Variants in KCNU1 observed in about 807,000 individuals in gnomAD.
The protein encoded by KCNU1 is potassium channel subfamily U member 1.
A neutral mutation model predicts 126.8 loss-of-function variants in KCNU1; 93 were observed. That is an observed-to-expected ratio of 0.73 (90% confidence interval 0.62 to 0.87). The LOEUF is 0.87. Among genes scored for constraint, KCNU1 ranks in the 40% least tolerant of loss-of-function variants. The pLI is 0.00. For synonymous variants in KCNU1, 523 were observed against 494.2 expected (o/e 1.06, Z -0.77); for missense variants, 1,330 against 1,367.1 (o/e 0.97, Z 0.43).
intron 16 of KCNU1, 139 bp from the exon 17 acceptor site, chr8:36,845,441 T>C: frequency 1.7e-6 from 1 of 602,850 alleles, no homozygotes; most frequent in Non-Finnish European, 2.9e-6. Flanking sequence ...CATTCTCCAC[T>C]GTGTTTGGCA....
chr8:36,830,113 A>C (rs1364712755), intron 10 of KCNU1, among the ~76,000 whole-genome samples: 4 of 149,842 alleles, frequency 2.7e-5, no homozygotes, highest in African/African-American at 4.9e-5. Flanking sequence ...ATAAATCTTT[A>C]TTAATCCAGA....
At chr8:36,821,865 G>T (rs1337019055) in intron 10 of KCNU1, among the ~76,000 whole-genome samples, 1 of 152,098 alleles carries the variant, frequency 6.6e-6, no homozygotes. Context: ...TTAGATATTT[G>T]ACCAAATGTA....
chr8:36,917,511 C>A lies in KCNU1; in HGVS notation c.2522-1312C>A, dbSNP rs576823959. On this transcript the variant is annotated intron_variant, in intron 22 of 26. Coordinates refer to ENST00000399881, the MANE Select transcript of KCNU1 (RefSeq NM_001031836.3). The stretch of plus-strand genomic sequence containing the variant: ...GATTTCAGCTCTGCACTGCTACACC[C>A]AGCTAATTTTTTTTTTTTAATTTTT... 2.4e-5 allele frequency among the ~76,000 whole-genome samples: 3 copies of A among 125,418 alleles called. No individual in the cohort carries two copies. In the South Asian group the frequency reaches 8.8e-4, roughly 37 times the overall value. 82.3% of individuals were successfully genotyped at this position (125,418 alleles called of 152,430 possible).
intron 7 of KCNU1, among the ~76,000 whole-genome samples, chr8:36,813,430 A>T (rs2130455174): frequency 6.6e-6 from 1 of 151,998 alleles, no homozygotes; most frequent in African/African-American, 2.4e-5. Flanking sequence ...GGAGAAAAAA[A>T]GGTCTAAAAG....
In KCNU1 at chr8:36,826,598, C is replaced by T. The variant is rs185374971; in HGVS notation, c.1107-6956C>T. ...TGCATTCTGGATAATTTGTTTTGAC[C>T]TAGATTCCAGAACCTTAGCTCTTTT... is the stretch of plus-strand genomic sequence containing the variant. On this transcript the variant is annotated intron_variant, in intron 10 of 26. Coordinates refer to ENST00000399881, the MANE Select transcript of KCNU1 (RefSeq NM_001031836.3). Among the ~76,000 whole-genome samples, 754 of 152,212 alleles carry T rather than the reference C, an allele frequency of 5.0e-3. 10 individuals are homozygous for T. The highest frequency in any genetic ancestry group is 0.017 in the African/African-American group (715 of 41,528).
At chr8:36,853,215 T>C (rs1156694707) in intron 18 of KCNU1, among the ~76,000 whole-genome samples, 2 of 152,110 alleles carry the variant, frequency 1.3e-5, no homozygotes, top group Admixed American at 6.5e-5. Context: ...CCAGGTGTGG[T>C]GGCACATGCT....
At chr8:36,900,809 T>A (rs1807387680) in intron 19 of KCNU1, among the ~76,000 whole-genome samples, 1 of 151,910 alleles carries the variant, frequency 6.6e-6, no homozygotes. Context: ...CACAATGGAG[T>A]TTTCAAAAGA....
intron 24 of KCNU1, among the ~76,000 whole-genome samples, chr8:36,925,036 C>A (rs752021201): frequency 6.6e-6 from 1 of 152,104 alleles, no homozygotes; most frequent in African/African-American, 2.4e-5. Context: ...CCTGATTCCT[C>A]CCACCACTCA....
At chr8:36,933,812 G>C (rs1001862077) in intron 26 of KCNU1, among the ~76,000 whole-genome samples, 3 of 152,080 alleles carry the variant, frequency 2.0e-5, no homozygotes, top group African/African-American at 7.2e-5. Flanking sequence ...AGATGCCAAG[G>C]CAGATCTAGC....
intron 2 of KCNU1, among the ~76,000 whole-genome samples, chr8:36,801,854 A>C (rs1285820650): frequency 6.6e-6 from 1 of 152,118 alleles, no homozygotes; most frequent in Admixed American, 6.5e-5. Context: ...TCACACCTGT[A>C]ATCCCAGCAC....
intron 20 of KCNU1, among the ~76,000 whole-genome samples, chr8:36,906,574 G>T (rs1202215371): frequency 6.6e-6 from 1 of 152,100 alleles, no homozygotes; most frequent in Non-Finnish European, 1.5e-5. Context: ...ATGATTGCTT[G>T]CATGCTGTAT....
chr8:36,880,768 G>A (rs539513971), intron 19 of KCNU1, among the ~76,000 whole-genome samples: 1 of 152,266 alleles, frequency 6.6e-6, no homozygotes, highest in African/African-American at 2.4e-5. Flanking sequence ...AGTGCCTCTT[G>A]CTGAGGCATC....
chr8:36,841,115 TCCC>T, intron 16 of KCNU1, 112 bp downstream of exon 16: 1 of 740,392 alleles, frequency 1.4e-6, no homozygotes. Flanking sequence ...CTAAGCTTTT[TCCC>T]TTTGGTGGAT....
chr8:36,906,950 T>A (rs1807652887), intron 20 of KCNU1, among the ~76,000 whole-genome samples: 1 of 152,172 alleles, frequency 6.6e-6, no homozygotes, highest in Admixed American at 6.5e-5. Context: ...AGGAAGTTGG[T>A]TGCAGATTGA....
At chr8:36,847,686 T>A (rs1054724711) in intron 18 of KCNU1, among the ~76,000 whole-genome samples, 25 of 152,368 alleles carry the variant, frequency 1.6e-4, no homozygotes, top group African/African-American at 6.0e-4. Flanking sequence ...TCATTGTTTA[T>A]ACGTATCACA....
At chr8:36,873,464 A>G (rs1585492394) in intron 19 of KCNU1, among the ~76,000 whole-genome samples, 1 of 152,204 alleles carries the variant, frequency 6.6e-6, no homozygotes, top group African/African-American at 2.4e-5. Flanking sequence ...ACAACACAAT[A>G]TATTATTGGC....
chr8:36,896,116 T>TC (rs1223183133), intron 19 of KCNU1, among the ~76,000 whole-genome samples: 1 of 151,856 alleles, frequency 6.6e-6, no homozygotes, highest in Non-Finnish European at 1.5e-5. Flanking sequence ...AAATTATTTT[T>TC]TTATTAGTAG....
Position 36,905,739 on chromosome 8 carries a change from G to T in KCNU1, c.2041G>T (p.Asp681Tyr). ...TLQHDVEQDS[D>Y]QLDSSGMFHW... ...TCAACATGATGTAGAACAAGATTCTGACCAGCTTGATAGCAGTGGGATGTT... is the reference window on the plus strand; with the variant it reads ...TCAACATGATGTAGAACAAGATTCTTACCAGCTTGATAGCAGTGGGATGTT... Residue 681 changes from aspartate to tyrosine, a missense_variant, in exon 20 of 27, where the codon GAC becomes TAC. Asp to Tyr is a radical substitution (Grantham distance 160). Around this residue, in one of 3 missense-constraint regions of KCNU1, gnomAD observed 1,054 missense variants for 1,053.9 expected, o/e 1.00. Coordinates refer to ENST00000399881, the MANE Select transcript of KCNU1 (RefSeq NM_001031836.3). 1.2e-6 allele frequency: 2 copies of T among 1,606,130 alleles called. No homozygotes were observed. The highest frequency in any genetic ancestry group is 2.2e-5 in the South Asian group (2 of 90,638).
intron 18 of KCNU1, among the ~76,000 whole-genome samples, chr8:36,847,589 A>T (rs1044125579): frequency 3.9e-5 from 6 of 152,292 alleles, no homozygotes; most frequent in African/African-American, 1.4e-4. Flanking sequence ...TGTGTGGGTG[A>T]ACATGTGGTG....
Sources: allele counts gnomAD v4.1 joint callset (sites outside exome capture counted in the v4.1 genomes callset), GRCh38; gene constraint gnomAD v4.1.1; regional missense constraint gnomAD v4.1.1; transcripts MANE v1.5; gene names NCBI Gene and HGNC (gene_info 2026-07-23, HGNC 2026-07-21).